Variants in SLC26A7 observed in about 807,000 individuals in gnomAD.
The protein encoded by SLC26A7 is solute carrier family 26 member 7.
Under a neutral mutation model 82.5 loss-of-function variants are expected in SLC26A7, and 59 were observed. The observed-to-expected ratio is 0.72, with a 90% CI of 0.58 to 0.89. SLC26A7 has a LOEUF of 0.89. Among genes scored for constraint, SLC26A7 ranks in the 40% least tolerant of loss-of-function variants. The pLI is 0.00. For missense variants in SLC26A7, 820 were observed against 793.0 expected (o/e 1.03, Z -0.41); for synonymous variants, 271 against 274.3 (o/e 0.99, Z 0.12).
intron 2 of SLC26A7, among the ~76,000 whole-genome samples, chr8:91,228,303 G>A (rs1810264632): frequency 6.6e-6 from 1 of 152,214 alleles, no homozygotes; most frequent in South Asian, 2.1e-4. Flanking sequence ...GAGGAAATGA[G>A]CTATGAAAAC....
chr8:91,268,248 TTAC>T (rs1166706124), intron 2 of SLC26A7, among the ~76,000 whole-genome samples: 1 of 151,886 alleles, frequency 6.6e-6, no homozygotes, highest in African/African-American at 2.4e-5. Context: ...TCCCCTACTA[TTAC>T]TGTATTGCAA....
At chr8:91,394,549 G>T (rs1189790816) in intron 18 of SLC26A7, 2 of 1,251,120 alleles carry the variant, frequency 1.6e-6, no homozygotes, top group Non-Finnish European at 2.0e-6. Context: ...ACTGTTCTTA[G>T]AGCTTTAATT....
At chr8:91,378,576 T>A (rs1307964596) in intron 15 of SLC26A7, among the ~76,000 whole-genome samples, 1 of 151,566 alleles carries the variant, frequency 6.6e-6, no homozygotes, top group Non-Finnish European at 1.5e-5. Flanking sequence ...GGGAAACTAG[T>A]CTGAAGAACT....
At chr8:91,248,637 C>T (rs950819918), upstream of SLC26A7, among the ~76,000 whole-genome samples, 2 of 151,886 alleles carry the variant, frequency 1.3e-5, no homozygotes, top group Admixed American at 6.6e-5. Context: ...ATGTAACACC[C>T]CTTATTAAAA....
Position 91,394,015 on chromosome 8 carries a change from A to G in SLC26A7, c.1911A>G (p.Ala637=). 2 of 1,613,622 alleles carry G rather than the reference A, an allele frequency of 1.2e-6. No homozygotes were observed. Among genetic ancestry groups the G allele is most frequent in the African/African-American group, 2.7e-5 (2 of 75,046 alleles). The change falls in exon 18 of 19, where the codon GCA becomes GCG. Residue 637 remains alanine (A), a synonymous_variant. Transcript: ENST00000276609. ...TTTTTTTTGAATCGGTATCTGCTGCAATAAGTCATATCCATTCAAATAAGG... is the reference window on the plus strand; with the variant it reads ...TTTTTTTTGAATCGGTATCTGCTGCGATAAGTCATATCCATTCAAATAAGG... The part of the protein sequence containing the change: ...KPIFFESVSA[A]ISHIHSNKNL...
At chr8:91,348,569 G>A (rs1813628136) in intron 9 of SLC26A7, among the ~76,000 whole-genome samples, 1 of 152,130 alleles carries the variant, frequency 6.6e-6, no homozygotes, top group African/African-American at 2.4e-5. Flanking sequence ...AATATATTTG[G>A]TCATTTAGTT....
At chr8:91,318,632 A>C (rs1450766708) in intron 5 of SLC26A7, among the ~76,000 whole-genome samples, 1 of 152,200 alleles carries the variant, frequency 6.6e-6, no homozygotes, top group African/African-American at 2.4e-5. Flanking sequence ...TAGAAAAAAA[A>C]AACCTGAATT....
chr8:91,293,181 C>T (rs1041689142), intron 3 of SLC26A7, among the ~76,000 whole-genome samples: 2 of 152,112 alleles, frequency 1.3e-5, no homozygotes, highest in African/African-American at 2.4e-5. Context: ...AGCTGGGATT[C>T]GAACTTGGGT....
intron 2 of SLC26A7, among the ~76,000 whole-genome samples, chr8:91,252,617 T>A (rs768844171): frequency 3.2e-4 from 49 of 152,072 alleles, no homozygotes; most frequent in Non-Finnish European, 6.8e-4. Flanking sequence ...ACTAAAAGCA[T>A]AAAAGATGCT....
At chr8:91,302,963 A>G (rs1252784026) in intron 4 of SLC26A7, among the ~76,000 whole-genome samples, 1 of 152,042 alleles carries the variant, frequency 6.6e-6, no homozygotes, top group Non-Finnish European at 1.5e-5. Context: ...TAATGCAGTG[A>G]CTGAATTGAC....
chr8:91,370,044 A>G (rs1470883637), intron 15 of SLC26A7, among the ~76,000 whole-genome samples: 3 of 151,734 alleles, frequency 2.0e-5, no homozygotes, highest in South Asian at 2.1e-4. Context: ...TAATACTTTT[A>G]TCTGCAGAAA....
At chr8:91,390,255 TACA>T (rs1814924060) in intron 16 of SLC26A7, among the ~76,000 whole-genome samples, 1 of 152,036 alleles carries the variant, frequency 6.6e-6, no homozygotes, top group Admixed American at 6.5e-5. Flanking sequence ...TAGCTGGGAC[TACA>T]GGCACCTGCC....
At chr8:91,222,619 G>GT (rs1432475001) in intron 2 of SLC26A7, among the ~76,000 whole-genome samples, 1 of 152,106 alleles carries the variant, frequency 6.6e-6, no homozygotes, top group Non-Finnish European at 1.5e-5. Context: ...ATAATCATGT[G>GT]TTTTTTGTCA....
At chr8:91,386,772 C>G (rs1194417619) in intron 15 of SLC26A7, among the ~76,000 whole-genome samples, 2 of 152,160 alleles carry the variant, frequency 1.3e-5, no homozygotes, top group Non-Finnish European at 2.9e-5. Context: ...AAGCTACCAA[C>G]ATGCTGTCAT....
chr8:91,286,630 G>A (rs1811718788), intron 2 of SLC26A7, among the ~76,000 whole-genome samples: 1 of 152,144 alleles, frequency 6.6e-6, no homozygotes, highest in Admixed American at 6.6e-5. Flanking sequence ...CCCCGAAATA[G>A]TAGCATTAGA....
Position 91,368,581 on chromosome 8 carries a change from G to A in SLC26A7, c.1627-1204G>A, listed in dbSNP as rs556084693. ...CTACAGGCGCCCGCCACCACGCCTG[G>A]CTAATTTTTTTTTTTGTATTTTTAG... On this transcript the variant is annotated intron_variant, in intron 14 of 18. Transcript: ENST00000276609. Among the ~76,000 whole-genome samples, 625 of 151,972 alleles carry A rather than the reference G, an allele frequency of 4.1e-3. 5 individuals are homozygous for A. The highest frequency in any genetic ancestry group is 0.014 in the African/African-American group (568 of 41,470).
chr8:91,308,160 G>C (rs1812375050), intron 4 of SLC26A7, among the ~76,000 whole-genome samples: 1 of 151,976 alleles, frequency 6.6e-6, no homozygotes, highest in Admixed American at 6.6e-5. Flanking sequence ...GTACTGGTCA[G>C]GTAGTCTACA....
chr8:91,228,367 A>G (rs908674580), intron 2 of SLC26A7, among the ~76,000 whole-genome samples: 6 of 152,212 alleles, frequency 3.9e-5, no homozygotes, highest in Non-Finnish European at 8.8e-5. Flanking sequence ...AGGATATATA[A>G]TCATAGATTC....
intron 9 of SLC26A7, among the ~76,000 whole-genome samples, chr8:91,347,665 G>T (rs1474194941): frequency 6.6e-6 from 1 of 152,112 alleles, no homozygotes; most frequent in Non-Finnish European, 1.5e-5. Flanking sequence ...GACTTTCAGT[G>T]CTTTAGAAAA....
Sources: gnomAD v4.1 joint callset for allele counts (sites outside exome capture counted in the v4.1 genomes callset) on GRCh38, gnomAD v4.1.1 for gene constraint, MANE v1.5 for transcripts, NCBI Gene and HGNC (gene_info 2026-07-23, HGNC 2026-07-21) for gene names.